Variants in UBAC2 observed in about 807,000 individuals in gnomAD.
UBAC2 encodes ubiquitin-associated domain-containing protein 2.
UBAC2 carries 26 observed loss-of-function variants against 44.0 expected under a neutral mutation model. The observed-to-expected ratio is 0.59, with a 90% CI of 0.43 to 0.82. UBAC2 has a LOEUF of 0.82. Ranked by LOEUF, UBAC2 falls within the 40% of genes least tolerant of loss-of-function variation. The probability of loss-of-function intolerance (pLI) is 0.00; values close to 1 mark genes in which losing one functional copy is unlikely to be tolerated. For synonymous variants in UBAC2, 155 were observed against 154.3 expected (o/e 1.00, Z -0.04); for missense variants, 329 against 419.4 (o/e 0.78, Z 1.88).
intron 1 of UBAC2, among the ~76,000 whole-genome samples, chr13:99,224,742 A>C (rs2043091973): frequency 6.6e-6 from 1 of 152,210 alleles, no homozygotes; most frequent in Admixed American, 6.5e-5. Context: ...TATGATTTTT[A>C]AAAATGCATT....
intron 4 of UBAC2, among the ~76,000 whole-genome samples, chr13:99,281,903 A>G (rs1314448090): frequency 6.6e-6 from 1 of 152,216 alleles, no homozygotes; most frequent in Non-Finnish European, 1.5e-5. Context: ...GTGTCTTACC[A>G]GGGAGCAGAC....
At chr13:99,234,353 A>G in intron 1 of UBAC2, 2 of 329,340 alleles carry the variant, frequency 6.1e-6, no homozygotes, top group Non-Finnish European at 1.3e-5. Context: ...ACGCCCGGGT[A>G]ATTTTTTTGT....
intron 4 of UBAC2, among the ~76,000 whole-genome samples, chr13:99,287,321 C>T (rs2044030780): frequency 6.6e-6 from 1 of 152,042 alleles, no homozygotes; most frequent in Admixed American, 6.6e-5. Flanking sequence ...AAGTAGAGCT[C>T]ATAGGAGATT....
intron 4 of UBAC2, among the ~76,000 whole-genome samples, chr13:99,309,221 C>T (rs1391393287): frequency 1.3e-5 from 2 of 152,064 alleles, no homozygotes; most frequent in African/African-American, 4.8e-5. Context: ...AGCAATTCTC[C>T]TGCCTCAGCC....
intron 1 of UBAC2, among the ~76,000 whole-genome samples, chr13:99,204,122 T>C (rs1365360109): frequency 6.6e-6 from 1 of 152,226 alleles, no homozygotes; most frequent in Admixed American, 6.5e-5. Context: ...TGTGTAATGA[T>C]GGACTCAGTC....
chr13:99,322,578 C>G (rs890731025), intron 6 of UBAC2, among the ~76,000 whole-genome samples: 4 of 152,208 alleles, frequency 2.6e-5, no homozygotes, highest in African/African-American at 9.7e-5. Flanking sequence ...CTTCTCCCTT[C>G]AACGCAGCCC....
Position 99,243,830 on chromosome 13 carries a change from A to G in UBAC2, c.160-2A>G. 1 of 1,564,186 alleles carries G rather than the reference A, an allele frequency of 6.4e-7. No homozygotes were observed. Among genetic ancestry groups the G allele is most frequent in the Non-Finnish European group, 8.7e-7 (1 of 1,154,130 alleles). ...ATTGTTCTTTTTTAAATCCCCATCT[A>G]GATTTGGAGGTTGATATGTGGAAGA... is the stretch of plus-strand genomic sequence containing the variant. On this transcript the variant is annotated splice_acceptor_variant, in intron 2 of 8. Transcript: ENST00000403766. LOFTEE classifies it high-confidence loss of function.
At chr13:99,297,412 C>T (rs1016664634) in intron 4 of UBAC2, among the ~76,000 whole-genome samples, 1 of 152,140 alleles carries the variant, frequency 6.6e-6, no homozygotes, top group Non-Finnish European at 1.5e-5. Flanking sequence ...TCCTTAAAGA[C>T]TATCTCTACC....
At chr13:99,283,907 G>T (rs539704480) in intron 4 of UBAC2, among the ~76,000 whole-genome samples, 1 of 151,820 alleles carries the variant, frequency 6.6e-6, no homozygotes, top group Admixed American at 6.6e-5. Flanking sequence ...GCTAATTTTT[G>T]TATTTTTAAT....
rs190988080 is a variant in UBAC2 at position 99,265,807 on chromosome 13, G to T, written c.389+21183G>T. Among the ~76,000 whole-genome samples, 514 of 152,270 alleles carry T rather than the reference G, an allele frequency of 3.4e-3. 3 individuals are homozygous for T. The highest frequency in any genetic ancestry group is 0.012 in the African/African-American group (489 of 41,542). ...TCTAGGTAGATACAATTACAAAGAC[G>T]TACCAAATAAAATAATGAGACAAAA... On this transcript the variant is annotated intron_variant, in intron 4 of 8. Transcript: ENST00000403766.
intron 8 of UBAC2, among the ~76,000 whole-genome samples, chr13:99,371,883 C>G (rs1010187462): frequency 6.6e-6 from 1 of 152,104 alleles, no homozygotes; most frequent in African/African-American, 2.4e-5. Context: ...TTAATAAATC[C>G]AATAGTAGTT....
intron 4 of UBAC2, among the ~76,000 whole-genome samples, chr13:99,284,652 A>G (rs2043995091): frequency 6.6e-6 from 1 of 152,228 alleles, no homozygotes; most frequent in South Asian, 2.1e-4. Flanking sequence ...CCTTTATGGC[A>G]AAAAGGAAAA....
chr13:99,335,470 C>T (rs181278637), intron 6 of UBAC2, among the ~76,000 whole-genome samples: 3 of 151,868 alleles, frequency 2.0e-5, no homozygotes, highest in African/African-American at 7.2e-5. Flanking sequence ...CCTACCCTGT[C>T]CCCCATCACC....
chr13:99,383,369 A>G (rs796488981), intron 8 of UBAC2, among the ~76,000 whole-genome samples: 7 of 152,294 alleles, frequency 4.6e-5, no homozygotes, highest in African/African-American at 1.4e-4. Context: ...AATTCTTTTC[A>G]ATTCTAGTTT....
intron 1 of UBAC2, among the ~76,000 whole-genome samples, chr13:99,221,592 G>T (rs1178081090): frequency 5.9e-5 from 9 of 152,042 alleles, no homozygotes; most frequent in African/African-American, 2.2e-4. Flanking sequence ...CTGGTTTTTT[G>T]TTCCTATTTC....
chr13:99,285,269 G>C (rs1473849759), intron 4 of UBAC2, among the ~76,000 whole-genome samples: 4 of 151,868 alleles, frequency 2.6e-5, no homozygotes, highest in African/African-American at 4.8e-5. Flanking sequence ...TGCTGCTGCT[G>C]CTCCTCCTGC....
At chr13:99,229,946 A>C (rs2043154164) in intron 1 of UBAC2, among the ~76,000 whole-genome samples, 1 of 152,166 alleles carries the variant, frequency 6.6e-6, no homozygotes, top group Non-Finnish European at 1.5e-5. Flanking sequence ...TGTGTAACTT[A>C]TGGGGAGTAT....
chr13:99,254,997 T>G lies in UBAC2; in HGVS notation c.389+10373T>G, dbSNP rs766783804. Reference sequence around the variant, plus strand: ...TGACACTAATGACTCGAGCCTGAAATTGTTTTGAAACGATGTAGTAGAGAA... The same window carrying G: ...TGACACTAATGACTCGAGCCTGAAAGTGTTTTGAAACGATGTAGTAGAGAA... On this transcript the variant is annotated intron_variant, in intron 4 of 8. Coordinates refer to ENST00000403766, the MANE Select transcript of UBAC2 (RefSeq NM_001144072.2). 4 of 1,613,956 alleles carry G rather than the reference T, an allele frequency of 2.5e-6. No homozygotes were observed. The African/African-American group carries it at 5.3e-5, about 22-fold the overall frequency.
intron 4 of UBAC2, among the ~76,000 whole-genome samples, chr13:99,285,112 T>G (rs2044001318): frequency 6.6e-6 from 1 of 152,208 alleles, no homozygotes; most frequent in Non-Finnish European, 1.5e-5. Context: ...ATAACCATAA[T>G]GTTACCTTAC....
Sources: gnomAD v4.1 joint callset for allele counts (sites outside exome capture counted in the v4.1 genomes callset) on GRCh38, gnomAD v4.1.1 for gene constraint, MANE v1.5 for transcripts, NCBI Gene and HGNC (gene_info 2026-07-23, HGNC 2026-07-21) for gene names.